Variants in SYTL3 observed in about 807,000 individuals in gnomAD.
The protein encoded by SYTL3 is synaptotagmin like 3.
In SYTL3, 88 loss-of-function variants were observed where a neutral mutation model predicts 82.1. That is an observed-to-expected ratio of 1.07 (90% CI 0.90 to 1.28). The LOEUF (loss-of-function observed/expected upper bound fraction) is 1.28. Ranked by LOEUF, SYTL3 falls within the 50% of genes most tolerant of loss-of-function variation. The pLI is 0.00. For missense variants in SYTL3, 831 were observed against 757.6 expected (o/e 1.10, Z -1.14); for synonymous variants, 311 against 289.4 (o/e 1.07, Z -0.76).
At chr6:158,712,671 G>A (rs1446708992) in intron 8 of SYTL3, among the ~76,000 whole-genome samples, 1 of 151,974 alleles carries the variant, frequency 6.6e-6, no homozygotes, top group Non-Finnish European at 1.5e-5. Flanking sequence ...ATTTGAGACT[G>A]TGTCTTTGAG....
rs188762408 is a variant in SYTL3, at chr6:158,717,853, G to A, written c.596-234G>A. 3.1e-4 allele frequency among the ~76,000 whole-genome samples: 47 copies of A among 152,238 alleles called. 1 individual carries two copies. Among genetic ancestry groups the A allele is most frequent in the Admixed American group, 2.9e-3 (45 of 15,292 alleles). On this transcript the variant is annotated intron_variant, in intron 9 of 17. Coordinates refer to ENST00000611299, the MANE Select transcript of SYTL3 (RefSeq NM_001242394.2). ...GACCATGGCCTGGGTGGCCACAGCG[G>A]GACCTTGAAGGAAGCCAGCCCTCTC...
intron 5 of SYTL3, among the ~76,000 whole-genome samples, chr6:158,667,011 C>T (rs890476558): frequency 1.3e-5 from 2 of 152,356 alleles, no homozygotes; most frequent in African/African-American, 4.8e-5. Flanking sequence ...TTACTGTGAG[C>T]TGCCCTGGCG....
chr6:158,695,403 T>G (rs1472851603), intron 6 of SYTL3, among the ~76,000 whole-genome samples: 1 of 152,222 alleles, frequency 6.6e-6, no homozygotes, highest in Non-Finnish European at 1.5e-5. Context: ...TTAGACTAGT[T>G]TTTAGGGAGT....
chr6:158,672,805 G>T (rs559374281), intron 5 of SYTL3, among the ~76,000 whole-genome samples: 3 of 151,672 alleles, frequency 2.0e-5, no homozygotes, highest in Non-Finnish European at 4.4e-5. Context: ...CTAATTTTTT[G>T]TATTTTTTTG....
intron 6 of SYTL3, among the ~76,000 whole-genome samples, chr6:158,703,819 TATC>T (rs36083902): frequency 0.23 from 27,830 of 120,122 alleles, 3,031 homozygotes; most frequent in Non-Finnish European, 0.28. Flanking sequence ...TTTATATTAT[TATC>T]ATTATTATTA....
intron 10 of SYTL3, 50 bp from the exon 11 acceptor site, chr6:158,725,453 C>A: frequency 6.3e-7 from 1 of 1,597,262 alleles, no homozygotes; most frequent in Non-Finnish European, 8.5e-7. Context: ...TTGAACAAAA[C>A]CAAACTGGGA....
chr6:158,681,841 A>C (rs1158271783), intron 5 of SYTL3, among the ~76,000 whole-genome samples: 2 of 152,208 alleles, frequency 1.3e-5, no homozygotes, highest in East Asian at 3.8e-4. Context: ...AGCTTAACCT[A>C]CAGCTGATCT....
chr6:158,762,235 GCC>G, intron 16 of SYTL3, 57 bp downstream of exon 16: 1 of 1,250,212 alleles, frequency 8.0e-7, no homozygotes, highest in Non-Finnish European at 1.1e-6. Context: ...TCACAACATG[GCC>G]CAGAACCTGC....
intron 5 of SYTL3, among the ~76,000 whole-genome samples, chr6:158,675,878 A>G (rs1440330890): frequency 6.6e-6 from 1 of 152,148 alleles, no homozygotes; most frequent in Non-Finnish European, 1.5e-5. Context: ...TGAACCCGGG[A>G]GGCGGAGCTT....
At chr6:158,710,426 G>T (rs774887586) in intron 8 of SYTL3, among the ~76,000 whole-genome samples, 3 of 151,806 alleles carry the variant, frequency 2.0e-5, no homozygotes, top group Non-Finnish European at 4.4e-5. Flanking sequence ...ACAAAAAGGA[G>T]ATCTCTTCCC....
At chr6:158,723,089 CTTTTTTT>C (rs745395918) in intron 10 of SYTL3, among the ~76,000 whole-genome samples, 1 of 89,862 alleles carries the variant, frequency 1.1e-5, no homozygotes, top group African/African-American at 4.9e-5. Context: ...AACAGCTACT[CTTTTTTT>C]TTTTTTTTTT....
intron 11 of SYTL3, among the ~76,000 whole-genome samples, chr6:158,740,336 G>C (rs1786775238): frequency 6.6e-6 from 1 of 151,966 alleles, no homozygotes; most frequent in Non-Finnish European, 1.5e-5. Context: ...ATAAATTCTA[G>C]TCCTCTGGAG....
chr6:158,648,114 A>G (rs756370700), upstream of SYTL3, among the ~76,000 whole-genome samples: 1 of 152,100 alleles, frequency 6.6e-6, no homozygotes, highest in Non-Finnish European at 1.5e-5. Flanking sequence ...ACCAACATGG[A>G]GAAACCCTAT....
intron 8 of SYTL3, among the ~76,000 whole-genome samples, chr6:158,710,864 T>C (rs938620377): frequency 6.6e-6 from 1 of 150,610 alleles, no homozygotes; most frequent in Admixed American, 6.7e-5. Context: ...CATCACACCC[T>C]CCACCTCCCG....
At chr6:158,713,714 T>G in intron 8 of SYTL3, 86 bp from the exon 9 acceptor site, 4 of 957,174 alleles carry the variant, frequency 4.2e-6, no homozygotes, top group Non-Finnish European at 6.6e-6. Flanking sequence ...CATGCCAGTG[T>G]TTTGGGGTTG....
chr6:158,761,885 G>A lies in SYTL3; in HGVS notation c.1415-191G>A, dbSNP rs372620803. On this transcript the variant is annotated intron_variant, in intron 15 of 17. Transcript: ENST00000611299. The stretch of plus-strand genomic sequence containing the variant: ...CCTGTCCTCCACCTGACCACAGAGC[G>A]GCACGGTGTGGGCAGCGCCACAGCC... 2.9e-4 allele frequency among the ~76,000 whole-genome samples: 44 copies of A among 152,204 alleles called. No individual in the cohort carries two copies. The East Asian group carries it at 7.2e-3, about 25-fold the overall frequency.
intron 5 of SYTL3, among the ~76,000 whole-genome samples, chr6:158,668,731 G>T (rs936692686): frequency 1.3e-5 from 2 of 152,184 alleles, no homozygotes; most frequent in African/African-American, 4.8e-5. Context: ...GAGGAGGCTG[G>T]TGGCAATAGT....
chr6:158,649,824 T>C (rs1787773791), upstream of SYTL3, among the ~76,000 whole-genome samples: 1 of 152,222 alleles, frequency 6.6e-6, no homozygotes, highest in African/African-American at 2.4e-5. Context: ...CAGCCTGGTC[T>C]TTCCTCCAGC....
chr6:158,647,808 T>C (rs1787577778), upstream of SYTL3, among the ~76,000 whole-genome samples: 1 of 152,238 alleles, frequency 6.6e-6, no homozygotes, highest in Admixed American at 6.5e-5. Flanking sequence ...GTGGAGTGAA[T>C]CTTAGGTTTG....
Sources: gnomAD v4.1 joint callset for allele counts (sites outside exome capture counted in the v4.1 genomes callset) on GRCh38, gnomAD v4.1.1 for gene constraint, MANE v1.5 for transcripts, NCBI Gene and HGNC (gene_info 2026-07-23, HGNC 2026-07-21) for gene names.